The following HMCN1 variants were observed in gnomAD, a reference collection of about 807,000 sequenced individuals.
The protein encoded by HMCN1 is hemicentin-1.
In HMCN1, 321 loss-of-function variants were observed where a neutral mutation model predicts 625.9. That is an observed-to-expected ratio of 0.51 (90% CI 0.47 to 0.56). The LOEUF (loss-of-function observed/expected upper bound fraction) is 0.56, where lower values mean the gene tolerates loss of function less well. Among genes scored for constraint, HMCN1 ranks in the 20% least tolerant of loss-of-function variants. HMCN1 has a pLI of 0.00. For missense variants in HMCN1, 6,588 were observed against 6,887.3 expected (o/e 0.96, Z 1.54); for synonymous variants, 2,425 against 2,417.6 (o/e 1.00, Z -0.09).
intron 1 of HMCN1, among the ~76,000 whole-genome samples, chr1:185,799,315 T>G (rs1026636795): frequency 6.6e-6 from 1 of 152,204 alleles, no homozygotes; most frequent in African/African-American, 2.4e-5. Context: ...TATGGAGTTG[T>G]GCAGGTCAAC....
At chr1:186,028,257 A>T (rs1388357355) in intron 36 of HMCN1, among the ~76,000 whole-genome samples, 2 of 152,170 alleles carry the variant, frequency 1.3e-5, no homozygotes, top group African/African-American at 4.8e-5. Flanking sequence ...AAAAAGGAAA[A>T]AAAACCCAGC....
At chr1:186,123,351 G>A in intron 81 of HMCN1, 131 bp downstream of exon 81, 2 of 1,049,928 alleles carry the variant, frequency 1.9e-6, no homozygotes, top group Non-Finnish European at 2.8e-6. Context: ...TGGGGGTGTG[G>A]TGTGTAGGTG....
chr1:185,831,937 A>G (rs1280785454), intron 1 of HMCN1, among the ~76,000 whole-genome samples: 3 of 152,236 alleles, frequency 2.0e-5, no homozygotes, highest in Non-Finnish European at 4.4e-5. Context: ...AATTGATTGT[A>G]TAAATTTAAT....
At chr1:185,847,033 A>C (rs979735055) in intron 2 of HMCN1, among the ~76,000 whole-genome samples, 1 of 151,750 alleles carries the variant, frequency 6.6e-6, no homozygotes, top group Non-Finnish European at 1.5e-5. Flanking sequence ...CACTACAACC[A>C]CTCCCTTACC....
intron 2 of HMCN1, 40 bp downstream of exon 2, chr1:185,846,136 A>C: frequency 1.4e-6 from 2 of 1,411,162 alleles, no homozygotes; most frequent in Non-Finnish European, 2.0e-6. Context: ...GGGAATGGAA[A>C]ATCATGAGCC....
At position 185,734,894 on chromosome 1, in the gene HMCN1, G is replaced by A. The variant is rs138241069; in HGVS notation, c.115G>A (p.Ala39Thr). ...CAGAGCTGAGGAAATTCCCGAGGGG[G>A]CCTCCACGTTGGCTTTTGTGTTTGA... ...EIRAEEIPEG[A>T]STLAFVFDVT... Residue 39 changes from alanine (A) to threonine (T), a missense_variant, in exon 1 of 107, where the codon GCC (alanine) becomes ACC (threonine). Around this residue, in one of 3 missense-constraint regions of HMCN1, gnomAD observed 4,628 missense variants for 4,853.1 expected, o/e 0.95. Transcript: ENST00000271588. The A allele has an allele frequency of 5.6e-6, 9 of 1,614,054 alleles. No individual in the cohort carries two copies. The highest frequency in any genetic ancestry group is 7.6e-6 in the Non-Finnish European group (9 of 1,180,028).
At chr1:185,746,682 G>A (rs761284987) in intron 1 of HMCN1, among the ~76,000 whole-genome samples, 2 of 144,804 alleles carry the variant, frequency 1.4e-5, no homozygotes, top group African/African-American at 2.6e-5. Context: ...TCAGCTCACC[G>A]CAACTTCTGC....
At chr1:186,051,554 A>T (rs929491712) in intron 42 of HMCN1, among the ~76,000 whole-genome samples, 4 of 152,022 alleles carry the variant, frequency 2.6e-5, no homozygotes, top group Non-Finnish European at 4.4e-5. Flanking sequence ...TAGAGTTTAG[A>T]ATGGAGATCA....
At chr1:186,153,022 A>AG (rs770270466) in intron 96 of HMCN1, 151 bp downstream of exon 96, 47 of 1,111,434 alleles carry the variant, frequency 4.2e-5, no homozygotes, top group Middle Eastern at 2.4e-4. Context: ...TTGTTTAAAA[A>AG]TCTTCAGGGA....
chr1:185,967,009 T>C (rs1650454263), intron 14 of HMCN1, among the ~76,000 whole-genome samples: 1 of 152,154 alleles, frequency 6.6e-6, no homozygotes, highest in South Asian at 2.1e-4. Flanking sequence ...TAATCAGGTT[T>C]ATGTTGGTTA....
chr1:185,946,624 G>A (rs1379321159), intron 11 of HMCN1, among the ~76,000 whole-genome samples: 1 of 152,144 alleles, frequency 6.6e-6, no homozygotes, highest in Admixed American at 6.5e-5. Flanking sequence ...TTAGTTGAAA[G>A]TTTTCTAAGT....
chr1:185,905,402 C>T (rs1172861871), intron 4 of HMCN1, among the ~76,000 whole-genome samples: 6 of 151,556 alleles, frequency 4.0e-5, no homozygotes, highest in East Asian at 3.9e-4. Flanking sequence ...GAAGGAAAGT[C>T]GGATAAAAAA....
At position 186,043,204 on chromosome 1, in the gene HMCN1, A is replaced by G. The variant is rs114212087; in HGVS notation, c.6304+2068A>G. 2.6e-3 allele frequency among the ~76,000 whole-genome samples: 397 copies of G among 152,306 alleles called. 1 individual carries two copies. The highest frequency in any genetic ancestry group is 0.017 in the Middle Eastern group (5 of 294). ...AATGTTTAGGATGAGAAACAGGTCC[A>G]GAACACATCCCTTCCTAAGCAACAT... is the stretch of plus-strand genomic sequence containing the variant. On this transcript the variant is annotated intron_variant, in intron 40 of 106. Coordinates refer to ENST00000271588, the MANE Select transcript of HMCN1 (RefSeq NM_031935.3).
At chr1:185,910,475 TTA>T (rs1355873045) in intron 5 of HMCN1, among the ~76,000 whole-genome samples, 1 of 152,154 alleles carries the variant, frequency 6.6e-6, no homozygotes, top group African/African-American at 2.4e-5. Context: ...ACCCATTGCA[TTA>T]TGTTTCTACT....
chr1:185,915,869 T>C (rs1666669348), intron 6 of HMCN1, among the ~76,000 whole-genome samples: 2 of 152,028 alleles, frequency 1.3e-5, no homozygotes, highest in Admixed American at 1.3e-4. Flanking sequence ...GTTAAGTAAA[T>C]AGATTAGGTG....
rs779293193 is a variant in HMCN1, at chr1:186,039,733, C to G, written c.6034C>G (p.Pro2012Ala). The change falls in exon 39 of 107, where the codon CCA (proline) becomes GCA (alanine). Residue 2012 changes from proline to alanine, a missense_variant. Coordinates refer to ENST00000271588, the MANE Select transcript of HMCN1 (RefSeq NM_031935.3). ...CTTTCATTTGTTTTTTTCAGTGGCC[C>G]CATCAATTTCTGGCAGCAATAACAT... ...LFYSLQVHVA[P>A]SISGSNNMVA... 6.2e-7 allele frequency: 1 copy of G among 1,613,098 alleles called. No individual in the cohort carries two copies. The highest frequency in any genetic ancestry group is 1.3e-5 in the African/African-American group (1 of 74,804).
intron 1 of HMCN1, among the ~76,000 whole-genome samples, chr1:185,763,763 T>C (rs1655673364): frequency 6.6e-6 from 1 of 152,204 alleles, no homozygotes; most frequent in South Asian, 2.1e-4. Flanking sequence ...AAGGTAAGGC[T>C]CTGAGAAATG....
intron 1 of HMCN1, among the ~76,000 whole-genome samples, chr1:185,767,560 C>T (rs1655954691): frequency 6.6e-6 from 1 of 152,138 alleles, no homozygotes; most frequent in African/African-American, 2.4e-5. Flanking sequence ...CTGTATTCCC[C>T]AGAGAATAAT....
chr1:186,087,946 C>A lies in HMCN1; in HGVS notation c.9378C>A (p.Gly3126=). The A allele has an allele frequency of 6.2e-7, 1 of 1,612,490 alleles. No homozygotes were observed. The highest frequency in any genetic ancestry group is 8.5e-7 in the Non-Finnish European group (1 of 1,178,962). ...TTTTCTTTTAGGTATCTGACACAGG[C>A]CAGTATGTATGTAGAGCTATAAATG... ...HIKKAEVSDT[G]QYVCRAINVA... The change falls in exon 61 of 107, where the codon GGC becomes GGA. Residue 3126 remains glycine, a synonymous_variant. Transcript: ENST00000271588.
Sources: gnomAD v4.1 joint callset for allele counts (sites outside exome capture counted in the v4.1 genomes callset) on GRCh38, gnomAD v4.1.1 for gene constraint, gnomAD v4.1.1 regional missense constraint, MANE v1.5 for transcripts, NCBI Gene and HGNC (gene_info 2026-07-23, HGNC 2026-07-21) for gene names.